OLFM1: variants seen among roughly 807,000 people sequenced by gnomAD.
OLFM1 encodes the protein noelin.
OLFM1 carries 9 observed loss-of-function variants against 49.7 expected under a neutral mutation model. The ratio of observed to expected loss-of-function variants is 0.18; its 90% CI spans 0.11 to 0.32. The LOEUF (loss-of-function observed/expected upper bound fraction) is 0.32. Ranked by LOEUF, OLFM1 falls within the 10% of genes least tolerant of loss-of-function variation. The pLI is 1.00. For missense variants in OLFM1, 369 were observed against 661.8 expected (o/e 0.56, Z 4.85); for synonymous variants, 240 against 271.8 (o/e 0.88, Z 1.15).
At chr9:135,087,409 G>T (rs1463192777), upstream of OLFM1, 2 of 1,545,968 alleles carry the variant, frequency 1.3e-6, no homozygotes, top group Non-Finnish European at 8.7e-7. Flanking sequence ...GCCGCGGGCC[G>T]TGCCCCCAGC....
chr9:135,117,222 CTCT>C lies in OLFM1; in HGVS notation c.784-2275_784-2273del, dbSNP rs1315037860. On this transcript the variant is annotated intron_variant, in intron 5 of 5. Transcript: ENST00000371793. The surrounding 1 kb of genome is among the most constrained non-coding windows in gnomAD (Gnocchi z 5.5). ...AGTCAACTGGCATTTCATCGGAAATCTCTTCTTCTGTAACCCCAAACTTGGGCC... is the reference window on the plus strand; with the variant it reads ...AGTCAACTGGCATTTCATCGGAAATCTCTTCTGTAACCCCAAACTTGGGCC... Among the ~76,000 whole-genome samples, 3 of 152,210 alleles carry C rather than the reference CTCT, an allele frequency of 2.0e-5. No homozygotes were observed. Among genetic ancestry groups the C allele is most frequent in the African/African-American group, 7.2e-5 (3 of 41,456 alleles).
chr9:135,116,441 T>C (rs926645293), intron 5 of OLFM1, among the ~76,000 whole-genome samples: 3 of 152,106 alleles, frequency 2.0e-5, no homozygotes, highest in Non-Finnish European at 4.4e-5. Context: ...GAGAAGGTGA[T>C]TTAAAAATCC....
At chr9:135,089,346 C>T (rs909134955) in intron 1 of OLFM1, among the ~76,000 whole-genome samples, 5 of 152,358 alleles carry the variant, frequency 3.3e-5, no homozygotes, top group African/African-American at 1.2e-4. Flanking sequence ...CGGAGGGGAG[C>T]GTGCTCAGAG....
rs530460435 is a variant in OLFM1 at position 135,119,947 on chromosome 9, C to T, written c.1227C>T (p.Cys409=). The T allele has an allele frequency of 1.9e-5, 30 of 1,613,610 alleles. No homozygotes were observed. The highest frequency in any genetic ancestry group is 6.7e-5 in the East Asian group (3 of 44,876). The part of the protein sequence containing the change: ...KRSAGEAFII[C]GTLYVTNGYS... ...GCGCCGGGGAGGCCTTCATCATCTG[C>T]GGCACGCTGTACGTCACCAACGGCT... Residue 409 remains cysteine, a synonymous_variant, in exon 6 of 6, where the codon TGC becomes TGT. Transcript: ENST00000371793.
chr9:135,114,203 C>T (rs543449371), intron 5 of OLFM1, among the ~76,000 whole-genome samples: 94 of 129,522 alleles, frequency 7.3e-4, no homozygotes, highest in African/African-American at 6.8e-4. Flanking sequence ...TGCAGTGGTG[C>T]GATCTCGGCT....
intron 5 of OLFM1, among the ~76,000 whole-genome samples, chr9:135,118,001 G>C: frequency 6.6e-6 from 1 of 152,326 alleles, no homozygotes; most frequent in East Asian, 1.9e-4. Context: ...GAGGTAGGAC[G>C]TGGCACCCTT....
At chr9:135,086,669 C>T (rs756868170), upstream of OLFM1, 7 of 456,086 alleles carry the variant, frequency 1.5e-5, no homozygotes, top group South Asian at 7.7e-5. Flanking sequence ...ATGCAAAAGC[C>T]CTATTAACGT....
At chr9:135,079,250 G>A (rs1830504084) in intron 1 of OLFM1, among the ~76,000 whole-genome samples, 1 of 152,174 alleles carries the variant, frequency 6.6e-6, no homozygotes, top group Non-Finnish European at 1.5e-5. Context: ...GGAAGCTGGA[G>A]GCAGCTCTGG....
chr9:135,086,490 C>A, upstream of OLFM1: 1 of 386,266 alleles, frequency 2.6e-6, no homozygotes, highest in South Asian at 1.9e-5. Flanking sequence ...CCTTCCGGCC[C>A]GGCGTCCGTC....
At chr9:135,109,410 GA>G (rs1278307981) in intron 5 of OLFM1, among the ~76,000 whole-genome samples, 1 of 152,166 alleles carries the variant, frequency 6.6e-6, no homozygotes, top group Non-Finnish European at 1.5e-5. Flanking sequence ...CGCCCTCCAG[GA>G]AAAGAGGCTC....
chr9:135,075,672 C>G (rs901608102), exon 1 of OLFM1: 1 of 1,507,532 alleles, frequency 6.6e-7, no homozygotes, highest in Non-Finnish European at 8.9e-7. Context: ...TCCGCGTCCA[C>G]GCAGCCGCCG....
chr9:135,102,808 A>G (rs1207972590), intron 4 of OLFM1, among the ~76,000 whole-genome samples: 1 of 151,652 alleles, frequency 6.6e-6, no homozygotes, highest in Non-Finnish European at 1.5e-5. Context: ...CAGGACAGGA[A>G]CCCCATCTGC....
chr9:135,106,894 AG>A, intron 5 of OLFM1, 39 bp downstream of exon 5: 1 of 1,517,016 alleles, frequency 6.6e-7, no homozygotes, highest in Non-Finnish European at 9.0e-7. Flanking sequence ...CATTTGGGCA[AG>A]GGCGCTCTCG....
intron 5 of OLFM1, among the ~76,000 whole-genome samples, chr9:135,119,267 GA>G (rs1831150716): frequency 1.3e-5 from 2 of 149,930 alleles, no homozygotes; most frequent in African/African-American, 2.5e-5. Context: ...TGGGTCTTTG[GA>G]AGTGCTCACT....
upstream of OLFM1, among the ~76,000 whole-genome samples, chr9:135,085,872 GCAGGTGCAGGTTGGAGCCGCT>G (rs892227291): frequency 3.4e-4 from 52 of 152,316 alleles, no homozygotes; most frequent in East Asian, 7.7e-4. Flanking sequence ...ACAGTTTGGA[GCAGGTGCAGGTTGGAGCCGCT>G]CAGGTGCAGG....
At chr9:135,114,925 C>T (rs1588222563) in intron 5 of OLFM1, among the ~76,000 whole-genome samples, 1 of 152,122 alleles carries the variant, frequency 6.6e-6, no homozygotes, top group East Asian at 1.9e-4. Context: ...TCTTCGCACG[C>T]GGCACAGTGT....
At chr9:135,091,619 A>T (rs1424069383) in intron 2 of OLFM1, among the ~76,000 whole-genome samples, 1 of 140,098 alleles carries the variant, frequency 7.1e-6, no homozygotes, top group African/African-American at 2.8e-5. Flanking sequence ...TCACACAGTC[A>T]CACACACTCA....
At chr9:135,077,203 A>T in intron 1 of OLFM1, 2 of 1,528,110 alleles carry the variant, frequency 1.3e-6, no homozygotes, top group Non-Finnish European at 1.8e-6. Flanking sequence ...TGCAGAGAAG[A>T]GCCAACCAGG....
intron 5 of OLFM1, among the ~76,000 whole-genome samples, chr9:135,109,392 G>A (rs1176205965): frequency 6.6e-6 from 1 of 152,184 alleles, no homozygotes; most frequent in Non-Finnish European, 1.5e-5. Flanking sequence ...TCTGCTTGAT[G>A]ACTGGATCGC....
Sources: gnomAD v4.1 joint callset for allele counts (sites outside exome capture counted in the v4.1 genomes callset) on GRCh38, gnomAD v4.1.1 for gene constraint, Gnocchi (gnomAD v3.1) non-coding constraint, MANE v1.5 for transcripts, NCBI Gene and HGNC (gene_info 2026-07-23, HGNC 2026-07-21) for gene names.